LHFPL3: variants seen among roughly 807,000 people sequenced by gnomAD.
LHFPL3 encodes LHFPL tetraspan subfamily member 3 protein.
In LHFPL3, 5 loss-of-function variants were observed where a neutral mutation model predicts 19.3. The observed-to-expected ratio is 0.26, with a 90% CI of 0.14 to 0.54. The LOEUF is 0.54. LHFPL3 is among the 20% of genes least tolerant of loss of function. The pLI is 0.94. For missense variants in LHFPL3, 249 were observed against 307.4 expected (o/e 0.81, Z 1.42); for synonymous variants, 133 against 126.2 (o/e 1.05, Z -0.36).
rs74510119 is a variant in LHFPL3 at position 104,783,055 on chromosome 7, G to C, written c.682+46144G>C. On this transcript the variant is annotated intron_variant, in intron 2 of 2. Coordinates refer to ENST00000424859, the MANE Select transcript of LHFPL3 (RefSeq NM_199000.3). ...TTGTGCAATCCCAGAACAGGCATCA[G>C]CATCAACTGGGAACTTAACTCGAAA... Among the ~76,000 whole-genome samples the C allele has an allele frequency of 0.026, 3,887 of 152,322 alleles. 250 individuals are homozygous for C. In the East Asian group the frequency reaches 0.26, roughly 10 times the overall value.
intron 1 of LHFPL3, among the ~76,000 whole-genome samples, chr7:104,605,695 C>T (rs1791082251): frequency 6.6e-6 from 1 of 151,978 alleles, no homozygotes; most frequent in African/African-American, 2.4e-5. Flanking sequence ...CTTTATAACC[C>T]TCAAATCATA....
intron 1 of LHFPL3, among the ~76,000 whole-genome samples, chr7:104,380,618 A>G (rs1378299697): frequency 6.6e-6 from 1 of 152,164 alleles, no homozygotes; most frequent in Non-Finnish European, 1.5e-5. Context: ...AAGTAAGGAG[A>G]AAAAAGTTTC....
intron 1 of LHFPL3, among the ~76,000 whole-genome samples, chr7:104,414,448 G>A (rs1791585514): frequency 6.6e-6 from 1 of 152,180 alleles, no homozygotes; most frequent in Non-Finnish European, 1.5e-5. Flanking sequence ...AGTATTCTGA[G>A]CAACACGTGA....
At chr7:104,573,243 T>A (rs1584410978) in intron 1 of LHFPL3, among the ~76,000 whole-genome samples, 1 of 152,136 alleles carries the variant, frequency 6.6e-6, no homozygotes, top group South Asian at 2.1e-4. Flanking sequence ...TGAAACCCCA[T>A]CTTTGTTAAA....
chr7:104,504,735 T>C (rs530563362), intron 1 of LHFPL3, among the ~76,000 whole-genome samples: 1 of 152,350 alleles, frequency 6.6e-6, no homozygotes, highest in East Asian at 1.9e-4. Context: ...ATTTCTGCCT[T>C]ACTGATGAGA....
chr7:104,677,220 T>C (rs1354361119), intron 1 of LHFPL3, among the ~76,000 whole-genome samples: 1 of 152,028 alleles, frequency 6.6e-6, no homozygotes, highest in Non-Finnish European at 1.5e-5. Flanking sequence ...CTACAAAATA[T>C]TTTAAAATTA....
At chr7:104,385,729 A>C (rs979966864) in intron 1 of LHFPL3, among the ~76,000 whole-genome samples, 2 of 152,236 alleles carry the variant, frequency 1.3e-5, no homozygotes, top group Admixed American at 1.3e-4. Flanking sequence ...GAACTAAGGT[A>C]ACTGCACTTT....
chr7:104,825,943 A>G (rs1176741991), intron 2 of LHFPL3, among the ~76,000 whole-genome samples: 2 of 151,922 alleles, frequency 1.3e-5, no homozygotes, highest in Non-Finnish European at 2.9e-5. Flanking sequence ...TCTTCAAGGA[A>G]GGCTGGAAAA....
intron 1 of LHFPL3, among the ~76,000 whole-genome samples, chr7:104,524,159 A>G (rs1440382767): frequency 2.0e-5 from 3 of 152,180 alleles, no homozygotes; most frequent in African/African-American, 7.2e-5. Context: ...ACAGAGGTAG[A>G]TGATAGGAAT....
chr7:104,805,484 T>A lies in LHFPL3; in HGVS notation c.682+68573T>A, dbSNP rs149812100. On this transcript the variant is annotated intron_variant, in intron 2 of 2. Transcript: ENST00000424859. The stretch of plus-strand genomic sequence containing the variant: ...TTTGAGGTCCTCTCCTATCTGGAAG[T>A]TGCCGTGAATGGCCAGAGTTGACTA... Among the ~76,000 whole-genome samples the A allele has an allele frequency of 2.3e-3, 343 of 152,344 alleles. 2 individuals carry two copies. Among genetic ancestry groups the A allele is most frequent in the African/African-American group, 8.1e-3 (337 of 41,588 alleles).
At chr7:104,411,874 A>G (rs1325763752) in intron 1 of LHFPL3, among the ~76,000 whole-genome samples, 2 of 152,234 alleles carry the variant, frequency 1.3e-5, no homozygotes, top group African/African-American at 4.8e-5. Flanking sequence ...TCCAGAAATG[A>G]CATACCAAGC....
At chr7:104,792,776 T>TA (rs931649941) in intron 2 of LHFPL3, among the ~76,000 whole-genome samples, 2 of 152,178 alleles carry the variant, frequency 1.3e-5, no homozygotes, top group East Asian at 1.9e-4. Flanking sequence ...TTTCAGTACA[T>TA]AAAAAAACTG....
chr7:104,471,042 C>T (rs1410577887), intron 1 of LHFPL3, among the ~76,000 whole-genome samples: 3 of 152,178 alleles, frequency 2.0e-5, no homozygotes, highest in Admixed American at 6.5e-5. Flanking sequence ...TCTACCAAGA[C>T]ATCCTTGGCC....
intron 1 of LHFPL3, among the ~76,000 whole-genome samples, chr7:104,383,566 T>G (rs1398388013): frequency 2.0e-5 from 3 of 152,214 alleles, no homozygotes; most frequent in Admixed American, 2.0e-4. Context: ...TCTTTCAAGG[T>G]GATCCTATAA....
At chr7:104,358,326 G>A (rs142189749) in intron 1 of LHFPL3, among the ~76,000 whole-genome samples, 1 of 152,296 alleles carries the variant, frequency 6.6e-6, no homozygotes, top group East Asian at 1.9e-4. Context: ...TATTATTACT[G>A]TGTGTATAAA....
intron 1 of LHFPL3, among the ~76,000 whole-genome samples, chr7:104,621,244 T>A (rs914701981): frequency 2.6e-5 from 4 of 152,240 alleles, no homozygotes; most frequent in African/African-American, 4.8e-5. Context: ...TGAGGCTTAC[T>A]TGAATCGGGG....
At chr7:104,449,976 C>A (rs536115956) in intron 1 of LHFPL3, among the ~76,000 whole-genome samples, 12 of 152,250 alleles carry the variant, frequency 7.9e-5, no homozygotes, top group African/African-American at 2.9e-4. Flanking sequence ...CCAACTCATA[C>A]CACTTTTTGC....
intron 1 of LHFPL3, among the ~76,000 whole-genome samples, chr7:104,486,072 T>C (rs534208944): frequency 8.2e-4 from 125 of 152,358 alleles, no homozygotes; most frequent in Non-Finnish European, 1.6e-3. Flanking sequence ...GCACATTGAG[T>C]TCATAATTCT....
At chr7:104,807,119 G>T (rs1460924360) in intron 2 of LHFPL3, among the ~76,000 whole-genome samples, 1 of 151,142 alleles carries the variant, frequency 6.6e-6, no homozygotes, top group East Asian at 1.9e-4. Context: ...CCTCATGGAG[G>T]TAATCAAAAT....
Sources: allele counts gnomAD v4.1 joint callset (sites outside exome capture counted in the v4.1 genomes callset), GRCh38; gene constraint gnomAD v4.1.1; transcripts MANE v1.5; gene names NCBI Gene and HGNC (gene_info 2026-07-23, HGNC 2026-07-21).